ARID4A: variants seen among roughly 807,000 people sequenced by gnomAD.
The protein encoded by ARID4A is AT-rich interaction domain 4A.
A neutral mutation model predicts 148.6 loss-of-function variants in ARID4A; 39 were observed. That is an observed-to-expected ratio of 0.26 (90% CI 0.20 to 0.34). ARID4A has a LOEUF of 0.34. ARID4A is among the 10% of genes least tolerant of loss of function. The pLI, the probability that ARID4A is intolerant of heterozygous loss-of-function variation, is 1.00. For synonymous variants in ARID4A, 475 were observed against 481.2 expected (o/e 0.99, Z 0.17); for missense variants, 1,265 against 1,449.1 (o/e 0.87, Z 2.06).
intron 7 of ARID4A, among the ~76,000 whole-genome samples, chr14:58,322,579 C>G (rs1164664955): frequency 6.6e-6 from 1 of 152,028 alleles, no homozygotes; most frequent in Non-Finnish European, 1.5e-5. Flanking sequence ...TATAATGAAC[C>G]AAGTGGTTTT....
chr14:58,305,058 C>A, intron 4 of ARID4A, 49 bp downstream of exon 4: 1 of 1,428,024 alleles, frequency 7.0e-7, no homozygotes, highest in Non-Finnish European at 9.5e-7. Context: ...AGATTTATAC[C>A]ATATTTACTG....
rs746068763 is a variant in ARID4A, at chr14:58,372,484, C to T, written c.*495C>T. 1.8e-4 allele frequency: 41 copies of T among 225,900 alleles called. No homozygotes were observed. The highest frequency in any genetic ancestry group is 3.4e-4 in the Admixed American group (6 of 17,654). 14.0% of individuals were successfully genotyped at this position (225,900 alleles called of 1,614,324 possible). ...TTGTGGAAGCACTTGCTATTTAGAA[C>T]TGCCAAAGTATATGTTCAGCAGTGT... On this transcript the variant is annotated 3_prime_UTR_variant, in exon 24 of 24. Coordinates refer to ENST00000355431, the MANE Select transcript of ARID4A (RefSeq NM_002892.4).
Position 58,346,820 on chromosome 14 carries a change from C to T in ARID4A, c.1075-200C>T, listed in dbSNP as rs528162087. 1.4e-3 allele frequency among the ~76,000 whole-genome samples: 204 copies of T among 149,856 alleles called. 1 individual carries two copies. Among genetic ancestry groups the T allele is most frequent in the Non-Finnish European group, 1.6e-3 (109 of 67,440 alleles). On this transcript the variant is annotated intron_variant, in intron 13 of 23. Coordinates refer to ENST00000355431, the MANE Select transcript of ARID4A (RefSeq NM_002892.4). ...TCGCATGCCTGTGGTCCCAACTACT[C>T]GGGAAGCTGAGGTGGGAGGATCACT...
At chr14:58,336,860 C>A (rs2033841892) in intron 11 of ARID4A, among the ~76,000 whole-genome samples, 1 of 151,712 alleles carries the variant, frequency 6.6e-6, no homozygotes. Flanking sequence ...CCCATAGTTT[C>A]TCCCAAAGTG....
chr14:58,302,046 G>A lies in ARID4A; in HGVS notation c.117+356G>A, dbSNP rs530223875. ...ACAGGAATTATGTTTTCAAGACAGT[G>A]TAAAAAAGCATTTAAAAAGTTTATT... On this transcript the variant is annotated intron_variant, in intron 3 of 23. Coordinates refer to ENST00000355431, the MANE Select transcript of ARID4A (RefSeq NM_002892.4). Among the ~76,000 whole-genome samples, 31 of 152,270 alleles carry A rather than the reference G, an allele frequency of 2.0e-4. No individual in the cohort carries two copies. The South Asian group carries it at 4.1e-3, about 20-fold the overall frequency.
At chr14:58,342,527 T>C (rs1315833633) in intron 11 of ARID4A, among the ~76,000 whole-genome samples, 1 of 152,212 alleles carries the variant, frequency 6.6e-6, no homozygotes, top group East Asian at 1.9e-4. Context: ...TTACTTGTAT[T>C]GGGGAGCAAC....
intron 19 of ARID4A, among the ~76,000 whole-genome samples, chr14:58,362,585 C>T (rs989985503): frequency 2.0e-5 from 3 of 151,858 alleles, no homozygotes; most frequent in Admixed American, 6.6e-5. Context: ...CAAGACCCCA[C>T]CTCACTCTGT....
rs755422780 is a variant in ARID4A, at chr14:58,353,697, A to T, written c.1695A>T (p.Glu565Asp). ...TESKCDSEGEEDEEDMEPCLT... is the reference protein window; with the variant it reads ...TESKCDSEGEDDEEDMEPCLT... ...GCAAATGTGACTCTGAAGGAGAGGA[A>T]GATGAGGAAGACATGGAACCCTGCC... The change falls in exon 17 of 24, where the codon GAA (glutamate) becomes GAT (aspartate). Residue 565 changes from glutamate (E) to aspartate (D), a missense_variant. By Grantham distance (45) the Glu-to-Asp change is conservative. This residue lies in a region of ARID4A where 205 missense variants were observed against 196.9 expected (regional missense o/e 1.04). Coordinates refer to ENST00000355431, the MANE Select transcript of ARID4A (RefSeq NM_002892.4). 1 of 1,614,078 alleles carries T rather than the reference A, an allele frequency of 6.2e-7. No individual in the cohort carries two copies. The highest frequency in any genetic ancestry group is 1.7e-5 in the Admixed American group (1 of 60,024).
intron 17 of ARID4A, among the ~76,000 whole-genome samples, 161 bp downstream of exon 17, chr14:58,354,016 G>C (rs1280182741): frequency 1.3e-5 from 2 of 152,152 alleles, no homozygotes; most frequent in African/African-American, 4.8e-5. Flanking sequence ...TGTTATACTA[G>C]CAGTGTCAAT....
At chr14:58,315,530 G>A (rs895764154) in intron 5 of ARID4A, among the ~76,000 whole-genome samples, 20 of 152,034 alleles carry the variant, frequency 1.3e-4, no homozygotes, top group African/African-American at 4.6e-4. Context: ...CCATTTAAAT[G>A]TGTGTGTGTG....
At chr14:58,313,876 T>A (rs2032226175) in intron 5 of ARID4A, among the ~76,000 whole-genome samples, 1 of 152,236 alleles carries the variant, frequency 6.6e-6, no homozygotes, top group African/African-American at 2.4e-5. Flanking sequence ...TTTTGTTCTG[T>A]CTGGGCCTCC....
chr14:58,338,265 T>A (rs934391523), intron 11 of ARID4A, among the ~76,000 whole-genome samples: 4 of 152,174 alleles, frequency 2.6e-5, no homozygotes, highest in African/African-American at 9.7e-5. Context: ...GTTCTATGCA[T>A]TTACCTTAGT....
intron 8 of ARID4A, among the ~76,000 whole-genome samples, chr14:58,326,532 A>G (rs910178417): frequency 6.6e-6 from 1 of 152,242 alleles, no homozygotes; most frequent in African/African-American, 2.4e-5. Context: ...ATAATAGGAA[A>G]TATAGCTGTG....
At chr14:58,300,372 C>CT (rs2031047223) in intron 2 of ARID4A, among the ~76,000 whole-genome samples, 9 of 151,960 alleles carry the variant, frequency 5.9e-5, no homozygotes, top group Admixed American at 5.9e-4. Flanking sequence ...AAAACATATA[C>CT]TAAAAAGATA....
rs2031835934 is a variant in ARID4A at position 58,309,225 on chromosome 14, AC to A, written c.274+3115del. Among the ~76,000 whole-genome samples the A allele has an allele frequency of 3.3e-5, 5 of 152,168 alleles. 1 individual carries two copies. The South Asian group carries it at 1.0e-3, about 31-fold the overall frequency. ...TGAATTCCTGGGCTCAAGCAGTCTT[AC>A]CGCCTTAGCCTCCCAAAGTGTTGGG... is the stretch of plus-strand genomic sequence containing the variant. On this transcript the variant is annotated intron_variant, in intron 5 of 23. Coordinates refer to ENST00000355431, the MANE Select transcript of ARID4A (RefSeq NM_002892.4).
chr14:58,329,688 G>C, intron 10 of ARID4A, 84 bp downstream of exon 10: 1 of 1,195,954 alleles, frequency 8.4e-7, no homozygotes, highest in Admixed American at 1.8e-5. Flanking sequence ...GATACTCTCT[G>C]GTACCACCAT....
chr14:58,306,573 G>T lies in ARID4A; in HGVS notation c.274+461G>T, dbSNP rs746390228. ...GTTTTTGATTTTTGATACAGTGTGG[G>T]TGCTCATATTAACAGCTTTCAAGGT... On this transcript the variant is annotated intron_variant, in intron 5 of 23. Coordinates refer to ENST00000355431, the MANE Select transcript of ARID4A (RefSeq NM_002892.4). Among the ~76,000 whole-genome samples the T allele has an allele frequency of 2.8e-4, 43 of 152,256 alleles. 1 individual carries two copies. The highest frequency in any genetic ancestry group is 1.5e-3 in the Admixed American group (23 of 15,286).
chr14:58,348,581 T>C (rs1008949503), intron 15 of ARID4A, among the ~76,000 whole-genome samples: 12 of 152,338 alleles, frequency 7.9e-5, no homozygotes, highest in Non-Finnish European at 1.3e-4. Flanking sequence ...GGAATTGTCA[T>C]CTAGCATTTG....
intron 5 of ARID4A, among the ~76,000 whole-genome samples, chr14:58,306,879 A>T (rs2031647495): frequency 6.6e-6 from 1 of 152,194 alleles, no homozygotes; most frequent in African/African-American, 2.4e-5. Context: ...ATTTGGTCTC[A>T]AAAAGAAAAC....
Sources: allele counts gnomAD v4.1 joint callset (sites outside exome capture counted in the v4.1 genomes callset), GRCh38; gene constraint gnomAD v4.1.1; regional missense constraint gnomAD v4.1.1; transcripts MANE v1.5; gene names NCBI Gene and HGNC (gene_info 2026-07-23, HGNC 2026-07-21).